AGFG1: variants seen among roughly 807,000 people sequenced by gnomAD.
AGFG1 encodes arf-GAP domain and FG repeat-containing protein 1.
A neutral mutation model predicts 60.6 loss-of-function variants in AGFG1; 10 were observed. The ratio of observed to expected loss-of-function variants is 0.16; its 90% CI spans 0.10 to 0.28. AGFG1 has a LOEUF of 0.28. Ranked by LOEUF, AGFG1 falls within the 10% of genes least tolerant of loss-of-function variation. The pLI is 1.00. For missense variants in AGFG1, 537 were observed against 676.5 expected, an observed-to-expected ratio of 0.79 and a Z score of 2.29; for synonymous variants, 247 against 242.9, an observed-to-expected ratio of 1.02 and a Z score of -0.16.
intron 2 of AGFG1, among the ~76,000 whole-genome samples, chr2:227,511,272 T>C (rs1691491458): frequency 6.6e-6 from 1 of 152,230 alleles, no homozygotes; most frequent in African/African-American, 2.4e-5. Context: ...TTATCCTATT[T>C]AAATTGTTAC....
chr2:227,476,986 CT>C (rs1690303443), intron 1 of AGFG1, among the ~76,000 whole-genome samples: 1 of 150,748 alleles, frequency 6.6e-6, no homozygotes, highest in African/African-American at 2.4e-5. Flanking sequence ...ACTGCAACCT[CT>C]GTCTCCCGGG....
At position 227,558,905 on chromosome 2, in the gene AGFG1, A is replaced by G. The variant is rs1395220708; in HGVS notation, c.*4410A>G. On this transcript the variant is annotated 3_prime_UTR_variant, in exon 13 of 13. Transcript: ENST00000310078. ...CAAACCAGCTTCAGCACAGCAAAGG[A>G]CATACAATTCCACAACTCATTAATT... 1 of 152,252 alleles carries G rather than the reference A, an allele frequency of 6.6e-6. No homozygotes were observed. The highest frequency in any genetic ancestry group is 2.4e-5 in the African/African-American group (1 of 41,476). The allele number at this position is 152,252 out of a possible 1,614,324, so 9.4% of individuals were successfully genotyped here.
intron 1 of AGFG1, among the ~76,000 whole-genome samples, chr2:227,483,139 A>G (rs544831229): frequency 1.3e-5 from 2 of 152,264 alleles, no homozygotes; most frequent in South Asian, 4.1e-4. Context: ...AAAGTGTTTT[A>G]TAAACCCTGA....
At chr2:227,540,237 A>G (rs976517064) in intron 10 of AGFG1, among the ~76,000 whole-genome samples, 1 of 150,324 alleles carries the variant, frequency 6.7e-6, no homozygotes, top group African/African-American at 2.5e-5. Flanking sequence ...GTACATGTGC[A>G]TAACATGCAG....
chr2:227,483,569 T>C (rs1690531185), intron 1 of AGFG1, among the ~76,000 whole-genome samples: 1 of 152,324 alleles, frequency 6.6e-6, no homozygotes, highest in East Asian at 1.9e-4. Context: ...GTTGTGTAAA[T>C]GGACTCATAA....
intron 2 of AGFG1, among the ~76,000 whole-genome samples, chr2:227,505,777 C>T (rs1691295162): frequency 6.6e-6 from 1 of 152,022 alleles, no homozygotes; most frequent in African/African-American, 2.4e-5. Flanking sequence ...CTTATTCTGT[C>T]GTCCAGGCTG....
chr2:227,478,932 C>G (rs1384901219), intron 1 of AGFG1, among the ~76,000 whole-genome samples: 1 of 152,182 alleles, frequency 6.6e-6, no homozygotes, highest in Admixed American at 6.5e-5. Context: ...AATAATTCTT[C>G]TCACTCATGC....
chr2:227,513,907 AG>A (rs1158665287), intron 2 of AGFG1, among the ~76,000 whole-genome samples: 2 of 152,336 alleles, frequency 1.3e-5, no homozygotes, highest in South Asian at 4.1e-4. Flanking sequence ...AATATGGCAC[AG>A]CCCATTATTT....
At chr2:227,546,035 G>A (rs997982990) in intron 10 of AGFG1, among the ~76,000 whole-genome samples, 2 of 152,206 alleles carry the variant, frequency 1.3e-5, no homozygotes, top group South Asian at 2.1e-4. Context: ...AGACAGAGAC[G>A]TTTAAGTCTC....
chr2:227,487,996 A>C (rs1690689917), intron 1 of AGFG1, among the ~76,000 whole-genome samples: 1 of 152,202 alleles, frequency 6.6e-6, no homozygotes, highest in Admixed American at 6.5e-5. Flanking sequence ...TGAACACATA[A>C]AATTTCCTCA....
At chr2:227,482,010 C>T (rs1034771008) in intron 1 of AGFG1, among the ~76,000 whole-genome samples, 1 of 151,760 alleles carries the variant, frequency 6.6e-6, no homozygotes, top group Non-Finnish European at 1.5e-5. Context: ...GGACTACAGG[C>T]GCCCGCCACC....
At chr2:227,502,311 G>A (rs1691183305) in intron 2 of AGFG1, among the ~76,000 whole-genome samples, 1 of 151,738 alleles carries the variant, frequency 6.6e-6, no homozygotes, top group Non-Finnish European at 1.5e-5. Flanking sequence ...CCAGTCTGTG[G>A]TTTTTTGTTT....
At chr2:227,534,630 T>C (rs1401723846) in intron 7 of AGFG1, among the ~76,000 whole-genome samples, 1 of 152,184 alleles carries the variant, frequency 6.6e-6, no homozygotes, top group Non-Finnish European at 1.5e-5. Context: ...GAGTGTTAAT[T>C]TTTGTTAAGA....
intron 10 of AGFG1, among the ~76,000 whole-genome samples, chr2:227,550,691 TACAA>T (rs1232388121): frequency 7.9e-5 from 12 of 152,230 alleles, no homozygotes; most frequent in Non-Finnish European, 8.8e-5. Context: ...ATTGCATTGT[TACAA>T]ACATACGACT....
At position 227,484,677 on chromosome 2, in the gene AGFG1, G is replaced by GTTTTT. The variant is rs34405103; in HGVS notation, c.168-6864_168-6860dup. ...AAGCTTCTTTAATGAAGATCTCTTA[G>GTTTTT]TTTTTTTTTTGTTTTTTTTTTTTTT... On this transcript the variant is annotated intron_variant, in intron 1 of 12. Transcript: ENST00000310078. 1.2e-4 allele frequency among the ~76,000 whole-genome samples: 14 copies of GTTTTT among 115,898 alleles called. 4 individuals are homozygous for GTTTTT. Among genetic ancestry groups the GTTTTT allele is most frequent in the African/African-American group, 2.3e-4 (7 of 29,958 alleles). The allele number at this position is 115,898 out of a possible 152,430, so 76.0% of individuals were successfully genotyped here. A position where few individuals can be genotyped will look rare whatever the true frequency, so the allele number is the denominator to read the frequency against.
chr2:227,494,365 G>A (rs10205841), intron 2 of AGFG1, among the ~76,000 whole-genome samples: 7,444 of 152,230 alleles, frequency 0.049, 254 homozygotes, highest in African/African-American at 0.1. Context: ...ATATTCTCTC[G>A]TCACCTTTTA....
At chr2:227,532,320 T>G (rs1692188089) in intron 6 of AGFG1, 1 of 736,398 alleles carries the variant, frequency 1.4e-6, no homozygotes. Flanking sequence ...TAATCCTTCA[T>G]AAAAATCTCT....
At chr2:227,495,750 AGTTT>A (rs1339212476) in intron 2 of AGFG1, among the ~76,000 whole-genome samples, 1 of 152,048 alleles carries the variant, frequency 6.6e-6, no homozygotes, top group African/African-American at 2.4e-5. Context: ...AAATATGTAT[AGTTT>A]ATGTTTTCTA....
In AGFG1 at chr2:227,534,734, G is replaced by A. The variant is rs1692258429; in HGVS notation, c.1025-111G>A. 4 of 1,143,070 alleles carry A rather than the reference G, an allele frequency of 3.5e-6. No individual in the cohort carries two copies. The South Asian group carries it at 4.6e-5, about 13-fold the overall frequency. 70.8% of individuals were successfully genotyped at this position (1,143,070 alleles called of 1,614,324 possible). On this transcript the variant is annotated intron_variant, in intron 7 of 12. Coordinates refer to ENST00000310078, the MANE Select transcript of AGFG1 (RefSeq NM_004504.5). The stretch of plus-strand genomic sequence containing the variant: ...TATTAGATTAATGATTTGGAATCCT[G>A]CTTAACTCTAAATCCATTTTAAGTT...
Sources: gnomAD v4.1 joint callset for allele counts (sites outside exome capture counted in the v4.1 genomes callset) on GRCh38, gnomAD v4.1.1 for gene constraint, MANE v1.5 for transcripts, NCBI Gene and HGNC (gene_info 2026-07-23, HGNC 2026-07-21) for gene names.